The following GRIN2A variants were observed in gnomAD, a reference collection of about 807,000 sequenced individuals.
GRIN2A encodes glutamate receptor ionotropic, NMDA 2A.
A neutral mutation model predicts 113.4 loss-of-function variants in GRIN2A; 22 were observed. That is an observed-to-expected ratio of 0.19 (90% CI 0.14 to 0.28). The LOEUF (loss-of-function observed/expected upper bound fraction) is 0.28, where lower values mean the gene tolerates loss of function less well. GRIN2A is among the 10% of genes least tolerant of loss of function. The pLI is 1.00. For synonymous variants in GRIN2A, 827 were observed against 738.4 expected (o/e 1.12, Z -1.94); for missense variants, 1,502 against 1,887.0 (o/e 0.80, Z 3.78).
At chr16:10,017,337 G>C (rs772511311) in intron 2 of GRIN2A, among the ~76,000 whole-genome samples, 2 of 152,114 alleles carry the variant, frequency 1.3e-5, no homozygotes, top group Non-Finnish European at 2.9e-5. Context: ...TAGGGCACTT[G>C]ATGAGTCTTG....
At chr16:10,109,533 T>A (rs1263141501) in intron 2 of GRIN2A, among the ~76,000 whole-genome samples, 1 of 150,258 alleles carries the variant, frequency 6.7e-6, no homozygotes, top group African/African-American at 2.5e-5. Flanking sequence ...TATGAGCAGA[T>A]CAAATAGAAA....
chr16:9,803,922 C>T (rs1038747726), intron 10 of GRIN2A, among the ~76,000 whole-genome samples: 8 of 152,124 alleles, frequency 5.3e-5, no homozygotes, highest in African/African-American at 1.9e-4. Context: ...ATAAATAAGC[C>T]AAATGTTTTG....
At chr16:10,108,756 A>T (rs1176389781) in intron 2 of GRIN2A, among the ~76,000 whole-genome samples, 1 of 152,222 alleles carries the variant, frequency 6.6e-6, no homozygotes, top group East Asian at 1.9e-4. Flanking sequence ...TTCACCAAGC[A>T]CATTACCATG....
chr16:10,160,389 T>G, intron 2 of GRIN2A, among the ~76,000 whole-genome samples: 1 of 152,186 alleles, frequency 6.6e-6, no homozygotes, highest in Non-Finnish European at 1.5e-5. Flanking sequence ...GTTGTAGACT[T>G]GAGCAAGTTC....
chr16:10,116,789 G>A (rs1331260858), intron 2 of GRIN2A, among the ~76,000 whole-genome samples: 2 of 152,212 alleles, frequency 1.3e-5, no homozygotes, highest in South Asian at 2.1e-4. Flanking sequence ...AGAAGCCAGG[G>A]TATGCCAACT....
At chr16:9,944,881 T>C (rs2141655351) in intron 2 of GRIN2A, among the ~76,000 whole-genome samples, 1 of 152,314 alleles carries the variant, frequency 6.6e-6, no homozygotes, top group Non-Finnish European at 1.5e-5. Context: ...CTTTCATTCA[T>C]TCAACAAATT....
intron 4 of GRIN2A, among the ~76,000 whole-genome samples, chr16:9,856,230 T>C (rs1413189232): frequency 6.6e-6 from 1 of 152,216 alleles, no homozygotes; most frequent in Non-Finnish European, 1.5e-5. Context: ...AGTAAGAATT[T>C]AAACTTAGTC....
intron 4 of GRIN2A, among the ~76,000 whole-genome samples, chr16:9,857,721 C>T (rs2042993274): frequency 6.6e-6 from 1 of 152,118 alleles, no homozygotes; most frequent in Admixed American, 6.5e-5. Context: ...TGTATTAAAG[C>T]CCATAAAGGA....
At chr16:10,014,440 C>T (rs1334641910) in intron 2 of GRIN2A, among the ~76,000 whole-genome samples, 1 of 152,136 alleles carries the variant, frequency 6.6e-6, no homozygotes, top group African/African-American at 2.4e-5. Flanking sequence ...TTAGAAAACT[C>T]GGGTCTTCAT....
rs537922523 is a variant in GRIN2A, at chr16:9,838,175, T to C, written c.1651+2472A>G. 3.3e-5 allele frequency among the ~76,000 whole-genome samples: 5 copies of C among 152,268 alleles called. No homozygotes were observed. In the South Asian group the frequency reaches 1.0e-3, roughly 32 times the overall value. ...AATTTGCTTTAAGAGATAAAGTTAT[T>C]TTTGTCTCTGGAAAAATATAAGAAA... On this transcript the variant is annotated intron_variant, in intron 7 of 12. Coordinates refer to ENST00000330684, the MANE Select transcript of GRIN2A (RefSeq NM_001134407.3).
At chr16:9,807,025 C>A (rs2041984568) in intron 10 of GRIN2A, among the ~76,000 whole-genome samples, 1 of 151,384 alleles carries the variant, frequency 6.6e-6, no homozygotes, top group African/African-American at 2.4e-5. Context: ...TTACTTGGTT[C>A]TCATTCTCTC....
At chr16:10,109,029 AAAAAAAC>A (rs2048556411) in intron 2 of GRIN2A, among the ~76,000 whole-genome samples, 1 of 150,452 alleles carries the variant, frequency 6.6e-6, no homozygotes, top group African/African-American at 2.5e-5. Context: ...AAAAAAAAAA[AAAAAAAC>A]AAAATTGATA....
intron 5 of GRIN2A, among the ~76,000 whole-genome samples, chr16:9,844,362 G>A (rs191891594): frequency 3.9e-5 from 6 of 152,298 alleles, no homozygotes; most frequent in Middle Eastern, 3.4e-3. Flanking sequence ...GACACAGGAT[G>A]AAAAAGGCAC....
intron 2 of GRIN2A, among the ~76,000 whole-genome samples, chr16:10,012,057 A>T (rs1399218809): frequency 6.6e-6 from 1 of 151,776 alleles, no homozygotes; most frequent in Admixed American, 6.5e-5. Context: ...GATACTTGGA[A>T]ATGATTTTGG....
At position 10,000,808 on chromosome 16, in the gene GRIN2A, T is replaced by C. The variant is rs1172730941; in HGVS notation, c.415-62257A>G. On this transcript the variant is annotated intron_variant, in intron 2 of 12. Coordinates refer to ENST00000330684, the MANE Select transcript of GRIN2A (RefSeq NM_001134407.3). ...ATTTATTTTTCTATTTCTCCAGAAATGGGTGCAATACTGCATATCTTCAGC... is the reference window on the plus strand; with the variant it reads ...ATTTATTTTTCTATTTCTCCAGAAACGGGTGCAATACTGCATATCTTCAGC... 2.6e-5 allele frequency among the ~76,000 whole-genome samples: 4 copies of C among 152,290 alleles called. 1 individual carries two copies. The highest frequency in any genetic ancestry group is 2.4e-5 in the African/African-American group (1 of 41,560).
intron 2 of GRIN2A, among the ~76,000 whole-genome samples, chr16:10,073,983 AT>A (rs2047816803): frequency 1.3e-5 from 2 of 152,026 alleles, no homozygotes; most frequent in Non-Finnish European, 2.9e-5. Context: ...TATATATCTC[AT>A]AAAAGTCTAG....
intron 4 of GRIN2A, among the ~76,000 whole-genome samples, chr16:9,866,307 A>G (rs538116929): frequency 6.6e-6 from 1 of 152,348 alleles, no homozygotes; most frequent in South Asian, 2.1e-4. Context: ...TGCAGTTTGC[A>G]AAGGACCTGA....
At chr16:9,977,917 C>A (rs1448180221) in intron 2 of GRIN2A, among the ~76,000 whole-genome samples, 2 of 152,086 alleles carry the variant, frequency 1.3e-5, no homozygotes, top group African/African-American at 2.4e-5. Context: ...TAGGTCAACC[C>A]TGCAGCTTAA....
intron 4 of GRIN2A, among the ~76,000 whole-genome samples, chr16:9,860,167 A>G (rs2043040712): frequency 6.6e-6 from 1 of 152,070 alleles, no homozygotes. Context: ...AGTGGCTTCC[A>G]AATATGAAAC....
Sources: allele counts gnomAD v4.1 joint callset (sites outside exome capture counted in the v4.1 genomes callset), GRCh38; gene constraint gnomAD v4.1.1; transcripts MANE v1.5; gene names NCBI Gene and HGNC (gene_info 2026-07-23, HGNC 2026-07-21).